Variants in TKTL1 observed in about 807,000 individuals in gnomAD.
TKTL1 encodes transketolase-like protein 1.
Under a neutral mutation model 39.3 loss-of-function variants are expected in TKTL1, and 1 was observed. That is an observed-to-expected ratio of 0.03 (90% CI 0.01 to 0.12). The LOEUF is 0.12. Among genes scored for constraint, TKTL1 ranks in the 10% least tolerant of loss-of-function variants. The pLI, the probability that TKTL1 is intolerant of heterozygous loss-of-function variation, is 1.00. For missense variants in TKTL1, 575 were observed against 509.6 expected, an observed-to-expected ratio of 1.13 and a Z score of -1.24; for synonymous variants, 262 against 193.8, an observed-to-expected ratio of 1.35 and a Z score of -2.92.
At chrX:154,319,239 A>C (rs782398139) in intron 7 of TKTL1, among the ~76,000 whole-genome samples, 1 of 112,628 alleles carries the variant, frequency 8.9e-6, no homozygotes, top group Admixed American at 9.4e-5. Context: ...GTGATCTTTC[A>C]TGTAAAGTTG....
chrX:154,296,186 C>T (rs1160683411), intron 1 of TKTL1, among the ~76,000 whole-genome samples, 193 bp downstream of exon 1: 2 of 111,116 alleles, frequency 1.8e-5, no homozygotes, highest in East Asian at 2.8e-4. Context: ...TCCCGCCAAC[C>T]CAAGGGTCGG....
chrX:154,323,428 A>G, intron 9 of TKTL1, 91 bp downstream of exon 9: 1 of 999,989 alleles, frequency 1.0e-6, no homozygotes, highest in East Asian at 3.1e-5. Flanking sequence ...TTCTCAACAT[A>G]AAAGTGATAT....
At chrX:154,301,957 A>G (rs782359959) in intron 1 of TKTL1, among the ~76,000 whole-genome samples, 4 of 107,967 alleles carry the variant, frequency 3.7e-5, no homozygotes, top group South Asian at 8.1e-4. Flanking sequence ...TTAGGCAGAT[A>G]GTCAACTTAA....
At chrX:154,327,562 G>A (rs782477120) in intron 10 of TKTL1, 29 bp from the exon 11 acceptor site, 6 of 1,164,403 alleles carry the variant, frequency 5.2e-6, no homozygotes, top group South Asian at 1.8e-5. Flanking sequence ...TAGTAACCAC[G>A]GCATTCTGTT....
chrX:154,296,781 G>A (rs2067232752), intron 1 of TKTL1, among the ~76,000 whole-genome samples: 1 of 111,449 alleles, frequency 9.0e-6, no homozygotes, highest in Admixed American at 9.5e-5. Context: ...TTGGGAGGCC[G>A]AGGCAGACGG....
chrX:154,319,737 T>TAA (rs59299490), intron 7 of TKTL1, among the ~76,000 whole-genome samples: 4,527 of 89,707 alleles, frequency 0.05, 341 homozygotes, highest in African/African-American at 0.17. Flanking sequence ...AGACCCTGTC[T>TAA]AAAAAAAAAA....
chrX:154,327,858 C>A lies in TKTL1; in HGVS notation c.1518C>A (p.Ile506=). ...LSKQDIFIRV[I]DLFTIKPLDV... ...CTGCAGATATTTTTATCCGTGTCAT[C>A]GACCTGTTTACCATTAAACCTCTGG... Residue 506 remains isoleucine (I), a synonymous_variant, in exon 12 of 13, where the codon ATC becomes ATA. Coordinates refer to ENST00000369915, the MANE Select transcript of TKTL1 (RefSeq NM_012253.4). The A allele has an allele frequency of 8.3e-7, 1 of 1,211,721 alleles. No homozygotes were observed. The highest frequency in any genetic ancestry group is 1.1e-6 in the Non-Finnish European group (1 of 895,409).
At chrX:154,327,523 G>A in intron 10 of TKTL1, 68 bp from the exon 11 acceptor site, 1 of 957,259 alleles carries the variant, frequency 1.0e-6, no homozygotes, top group South Asian at 1.9e-5. Context: ...ATAGCAAAGT[G>A]CCTTCCACTT....
At position 154,316,686 on chromosome X, in the gene TKTL1, G is replaced by A. The variant is rs782152802; in HGVS notation, c.1029+1349G>A. Among the ~76,000 whole-genome samples the A allele has an allele frequency of 7.2e-5, 8 of 111,323 alleles. No homozygotes were observed. In the East Asian group the frequency reaches 2.3e-3, roughly 31 times the overall value. On this transcript the variant is annotated intron_variant, in intron 7 of 12. Transcript: ENST00000369915. ...ACTGAAGCCAAACAGCACCCCTGTT[G>A]AGATGGGTGTCCCCACAGCTCCCCA...
At chrX:154,299,845 A>C (rs1013140774) in intron 1 of TKTL1, among the ~76,000 whole-genome samples, 1 of 111,493 alleles carries the variant, frequency 9.0e-6, no homozygotes, top group Non-Finnish European at 1.9e-5. Context: ...TGGTTGATGG[A>C]CACTTAGGTT....
chrX:154,326,401 G>A (rs782607637), intron 10 of TKTL1, among the ~76,000 whole-genome samples: 1 of 112,330 alleles, frequency 8.9e-6, no homozygotes, highest in Non-Finnish European at 1.9e-5. Context: ...TTTGTTCTAG[G>A]CATACATGTA....
intron 6 of TKTL1, among the ~76,000 whole-genome samples, chrX:154,312,994 G>C (rs1352587464): frequency 8.9e-6 from 1 of 111,817 alleles, no homozygotes; most frequent in Non-Finnish European, 1.9e-5. Context: ...CACGTGGATA[G>C]ATACTGTGTA....
At chrX:154,324,364 TC>T (rs1477723659) in intron 9 of TKTL1, among the ~76,000 whole-genome samples, 6 of 112,178 alleles carry the variant, frequency 5.3e-5, no homozygotes, top group African/African-American at 1.6e-4. Flanking sequence ...GTCGCAAAAC[TC>T]CTGGCCTCAA....
rs951590425 is a variant in TKTL1, at chrX:154,320,705, G to A, written c.1030-52G>A. The A allele has an allele frequency of 4.3e-6, 5 of 1,160,893 alleles. No individual in the cohort carries two copies. In the Admixed American group the frequency reaches 8.7e-5, roughly 20 times the overall value. On this transcript the variant is annotated intron_variant, in intron 7 of 12. Transcript: ENST00000369915. ...TATCATGGGGACTGTGGGAGAAGGGGCGGTGGGGGCAATGCCCAGGGATGT... is the reference window on the plus strand; with the variant it reads ...TATCATGGGGACTGTGGGAGAAGGGACGGTGGGGGCAATGCCCAGGGATGT...
chrX:154,296,640 C>G (rs1358461831), intron 1 of TKTL1, among the ~76,000 whole-genome samples: 2 of 111,039 alleles, frequency 1.8e-5, no homozygotes, highest in African/African-American at 6.6e-5. Context: ...ATATTGGTCT[C>G]TAGTTGTATT....
intron 9 of TKTL1, 129 bp from the exon 10 acceptor site, chrX:154,325,210 C>T (rs892903555): frequency 4.4e-5 from 28 of 643,105 alleles, no homozygotes; most frequent in Middle Eastern, 3.2e-4. Flanking sequence ...ATGCTCACCC[C>T]TTTCTCCAAA....
intron 6 of TKTL1, 58 bp from the exon 7 acceptor site, chrX:154,315,115 T>G: frequency 9.1e-7 from 1 of 1,095,562 alleles, no homozygotes; most frequent in Non-Finnish European, 1.2e-6. Context: ...CCTTCTGTAG[T>G]CGTTCCTTCT....
intron 1 of TKTL1, among the ~76,000 whole-genome samples, chrX:154,303,303 C>A (rs2067289011): frequency 1.9e-5 from 2 of 103,471 alleles, no homozygotes; most frequent in Admixed American, 1.1e-4. Context: ...GCCTTGACCT[C>A]CTGGGCTTAA....
At chrX:154,321,947 A>G (rs1028533163) in intron 8 of TKTL1, among the ~76,000 whole-genome samples, 2 of 109,938 alleles carry the variant, frequency 1.8e-5, no homozygotes, top group African/African-American at 6.6e-5. Flanking sequence ...GGCTGTGCTC[A>G]GTTTCAGTTT....
Sources: gnomAD v4.1 joint callset for allele counts (sites outside exome capture counted in the v4.1 genomes callset) on GRCh38, gnomAD v4.1.1 for gene constraint, MANE v1.5 for transcripts, NCBI Gene and HGNC (gene_info 2026-07-23, HGNC 2026-07-21) for gene names.